CSNK2A2IP: variants seen among roughly 807,000 people sequenced by gnomAD.
CSNK2A2IP encodes casein kinase 2 subunit alpha' interacting protein.
the CSNK2A2IP span, among the ~76,000 whole-genome samples, chr3:88,413,547 G>A: frequency 6.6e-6 from 1 of 151,898 alleles, no homozygotes; most frequent in Non-Finnish European, 1.5e-5. Context: ...GTATTTAGGA[G>A]TGACATATAC....
chr3:88,464,128 A>C, the CSNK2A2IP span, among the ~76,000 whole-genome samples: 1 of 142,186 alleles, frequency 7.0e-6, no homozygotes, highest in Non-Finnish European at 1.5e-5. Flanking sequence ...ACACATGGAC[A>C]CAGGAAGGGG....
the CSNK2A2IP span, among the ~76,000 whole-genome samples, chr3:88,353,379 T>G: frequency 6.6e-6 from 1 of 152,232 alleles, no homozygotes; most frequent in Non-Finnish European, 1.5e-5. Context: ...ATGGTATTAA[T>G]AAATTGGATT....
At chr3:88,393,636 A>G in the CSNK2A2IP span, among the ~76,000 whole-genome samples, 1 of 152,196 alleles carries the variant, frequency 6.6e-6, no homozygotes, top group African/African-American at 2.4e-5. Context: ...ATTTTAGGAG[A>G]TTGTGGTCAA....
the CSNK2A2IP span, among the ~76,000 whole-genome samples, chr3:88,452,654 A>C: frequency 6.6e-6 from 1 of 152,158 alleles, no homozygotes; most frequent in South Asian, 2.1e-4. Flanking sequence ...CAAATCCCTT[A>C]TTTGGAATAG....
chr3:88,396,083 A>G, the CSNK2A2IP span, among the ~76,000 whole-genome samples: 59,803 of 150,534 alleles, frequency 0.4, 14,859 homozygotes, highest in South Asian at 0.61. Flanking sequence ...ATTAAGTGCA[A>G]TAAAAGAGGA....
At chr3:88,370,616 CTTT>C in the CSNK2A2IP span, among the ~76,000 whole-genome samples, 1 of 149,770 alleles carries the variant, frequency 6.7e-6, no homozygotes, top group African/African-American at 2.4e-5. Flanking sequence ...CTCTCTCTTT[CTTT>C]CTTTCTTTCT....
the CSNK2A2IP span, among the ~76,000 whole-genome samples, chr3:88,403,123 A>T: frequency 6.6e-6 from 1 of 151,996 alleles, no homozygotes; most frequent in African/African-American, 2.4e-5. Context: ...CACTTCAGAC[A>T]ATTTACCTAT....
chr3:88,366,017 C>A, the CSNK2A2IP span, among the ~76,000 whole-genome samples: 3 of 152,096 alleles, frequency 2.0e-5, no homozygotes, highest in African/African-American at 7.2e-5. Context: ...GAAAGGAGAT[C>A]ATCATCAATG....
At chr3:88,451,963 C>T in the CSNK2A2IP span, among the ~76,000 whole-genome samples, 288 of 152,016 alleles carry the variant, frequency 1.9e-3, no homozygotes, top group African/African-American at 6.5e-3. Flanking sequence ...CTTCCTTGTC[C>T]TGTGCCTTTA....
chr3:88,384,869 A>G, the CSNK2A2IP span, among the ~76,000 whole-genome samples: 1 of 152,182 alleles, frequency 6.6e-6, no homozygotes, highest in Non-Finnish European at 1.5e-5. Flanking sequence ...GAAGGCAGTG[A>G]GGGAAATGAA....
At chr3:88,370,484 T>C in the CSNK2A2IP span, among the ~76,000 whole-genome samples, 1 of 151,776 alleles carries the variant, frequency 6.6e-6, no homozygotes, top group Non-Finnish European at 1.5e-5. Context: ...TGATAGTTTT[T>C]GTTATTCAGC....
chr3:88,467,526 A>G, the CSNK2A2IP span: 1 of 398,586 alleles, frequency 2.5e-6, no homozygotes, highest in Non-Finnish European at 4.4e-6. Flanking sequence ...GGAGAAAGGG[A>G]GCAAACACAC....
At chr3:88,418,470 G>GCGCGCGCA in the CSNK2A2IP span, among the ~76,000 whole-genome samples, 2 of 151,872 alleles carry the variant, frequency 1.3e-5, no homozygotes, top group Admixed American at 6.6e-5. Flanking sequence ...GTGTGCGCGC[G>GCGCGCGCA]GGCGTGTGTT....
the CSNK2A2IP span, among the ~76,000 whole-genome samples, chr3:88,449,900 C>A: frequency 1.2e-5 from 1 of 85,928 alleles, no homozygotes; most frequent in African/African-American, 3.5e-5. Flanking sequence ...GAGAGTCTTG[C>A]TCTGTTGCCC....
chr3:88,393,742 T>C, the CSNK2A2IP span, among the ~76,000 whole-genome samples: 1 of 152,224 alleles, frequency 6.6e-6, no homozygotes, highest in Non-Finnish European at 1.5e-5. Context: ...AGAATGTCAC[T>C]GGAGACGTAG....
At chr3:88,422,903 C>T in the CSNK2A2IP span, among the ~76,000 whole-genome samples, 18 of 152,234 alleles carry the variant, frequency 1.2e-4, no homozygotes, top group Middle Eastern at 3.4e-3. Context: ...TTACTGTGTA[C>T]AGTTTTAGTA....
chr3:88,394,987 T>C, the CSNK2A2IP span, among the ~76,000 whole-genome samples: 3 of 152,130 alleles, frequency 2.0e-5, no homozygotes, highest in Non-Finnish European at 2.9e-5. Context: ...GTGACACATG[T>C]TTACCTATAT....
At chr3:88,409,722 T>C in the CSNK2A2IP span, among the ~76,000 whole-genome samples, 1 of 152,050 alleles carries the variant, frequency 6.6e-6, no homozygotes, top group Admixed American at 6.6e-5. Flanking sequence ...AAGATCATTT[T>C]GTTTATTTTG....
At chr3:88,356,290 C>T in the CSNK2A2IP span, among the ~76,000 whole-genome samples, 1 of 151,992 alleles carries the variant, frequency 6.6e-6, no homozygotes, top group African/African-American at 2.4e-5. Context: ...ATCATTTATT[C>T]TCTATTTTCA....
Sources: gnomAD v4.1 joint callset for allele counts (sites outside exome capture counted in the v4.1 genomes callset) on GRCh38, gnomAD v4.1.1 for gene constraint, MANE v1.5 for transcripts, NCBI Gene and HGNC (gene_info 2026-07-23, HGNC 2026-07-21) for gene names.